OTOGL: variants seen among roughly 807,000 people sequenced by gnomAD.
OTOGL encodes the protein otogelin-like protein.
OTOGL carries 285 observed loss-of-function variants against 318.5 expected under a neutral mutation model. That is an observed-to-expected ratio of 0.89 (90% CI 0.81 to 0.99). OTOGL has a LOEUF of 0.99. OTOGL is among the 50% of genes least tolerant of loss of function. The probability of loss-of-function intolerance (pLI) is 0.00; values close to 1 mark genes in which losing one functional copy is unlikely to be tolerated. For missense variants in OTOGL, 2,899 were observed against 2,845.6 expected (o/e 1.02, Z -0.43); for synonymous variants, 987 against 936.5 (o/e 1.05, Z -0.99).
chr12:80,260,021 T>A (rs1160742347), intron 18 of OTOGL, among the ~76,000 whole-genome samples: 1 of 152,092 alleles, frequency 6.6e-6, no homozygotes, highest in African/African-American at 2.4e-5. Context: ...GTCTGGTTTC[T>A]TGTCTTGTTT....
intron 22 of OTOGL, among the ~76,000 whole-genome samples, chr12:80,268,507 C>T (rs1203901730): frequency 6.6e-6 from 1 of 152,068 alleles, no homozygotes; most frequent in Non-Finnish European, 1.5e-5. Flanking sequence ...TGATTATGCT[C>T]AATTTACCTT....
At chr12:80,229,516 A>G (rs1879178608) in intron 8 of OTOGL, 138 bp downstream of exon 8, 1 of 1,216,974 alleles carries the variant, frequency 8.2e-7, no homozygotes, top group Admixed American at 2.5e-5. Context: ...TAACATACAG[A>G]CATCAAAACT....
intron 1 of OTOGL, among the ~76,000 whole-genome samples, chr12:80,123,223 C>T: frequency 6.6e-6 from 1 of 152,064 alleles, no homozygotes; most frequent in East Asian, 1.9e-4. Flanking sequence ...GTGATATTCC[C>T]CTTCCTGTGT....
intron 1 of OTOGL, among the ~76,000 whole-genome samples, chr12:80,121,981 G>A (rs1211959533): frequency 2.0e-5 from 3 of 152,210 alleles, no homozygotes; most frequent in Admixed American, 6.5e-5. Flanking sequence ...TTGTAAACAC[G>A]AGAAAGAGAT....
At position 80,182,138 on chromosome 12, in the gene OTOGL, T is replaced by C. The variant is rs995749136; in HGVS notation, c.-19-27275T>C. ...CTGCACTCCAGTCTGGGCAACAGAG[T>C]GAAACCTTGTCTCAAAAGCAATTTT... On this transcript the variant is annotated intron_variant, in intron 1 of 58. Transcript: ENST00000547103. 2.0e-5 allele frequency among the ~76,000 whole-genome samples: 3 copies of C among 151,954 alleles called. No homozygotes were observed. In the South Asian group the frequency reaches 6.2e-4, roughly 32 times the overall value.
chr12:80,149,665 G>T (rs1191308623), intron 1 of OTOGL, among the ~76,000 whole-genome samples: 2 of 152,136 alleles, frequency 1.3e-5, no homozygotes, highest in African/African-American at 4.8e-5. Context: ...CCCTCCCCCA[G>T]CCTCGCTGCC....
At chr12:80,264,453 T>C (rs1488382968) in intron 19 of OTOGL, among the ~76,000 whole-genome samples, 3 of 152,206 alleles carry the variant, frequency 2.0e-5, no homozygotes, top group Non-Finnish European at 4.4e-5. Context: ...TCAAACATTA[T>C]TGAGCTCCTA....
At chr12:80,205,930 T>C (rs1876777560) in intron 1 of OTOGL, among the ~76,000 whole-genome samples, 1 of 152,242 alleles carries the variant, frequency 6.6e-6, no homozygotes, top group Non-Finnish European at 1.5e-5. Context: ...CCAGTTGTTT[T>C]AATGTGTTGG....
chr12:80,285,941 T>C (rs1204808828), intron 26 of OTOGL, among the ~76,000 whole-genome samples: 2 of 152,190 alleles, frequency 1.3e-5, no homozygotes, highest in East Asian at 3.8e-4. Flanking sequence ...GGCATCCTTG[T>C]CTTGTGCCGG....
chr12:80,369,484 A>G (rs1003444577), intron 55 of OTOGL, among the ~76,000 whole-genome samples: 1 of 152,124 alleles, frequency 6.6e-6, no homozygotes, highest in Non-Finnish European at 1.5e-5. Context: ...TGTTCATCTG[A>G]AAATAACCAT....
intron 1 of OTOGL, among the ~76,000 whole-genome samples, chr12:80,200,172 A>C (rs899594060): frequency 6.6e-6 from 1 of 152,196 alleles, no homozygotes; most frequent in Non-Finnish European, 1.5e-5. Flanking sequence ...ATCACCTATA[A>C]ACCTAGTAGA....
rs1888445454 is a variant in OTOGL at position 80,336,898 on chromosome 12, T to C, written c.4768-14T>C. ...TGTTTAACTCCGTAAAGTTTTAATT[T>C]TTTTCAAATTAAGGCTCCCTCTGGA... On this transcript the variant is annotated splice_polypyrimidine_tract_variant and intron_variant, in intron 41 of 58. Transcript: ENST00000547103. 6.4e-7 allele frequency: 1 copy of C among 1,561,802 alleles called. No individual in the cohort carries two copies. The highest frequency in any genetic ancestry group is 1.4e-5 in the African/African-American group (1 of 73,436).
intron 1 of OTOGL, among the ~76,000 whole-genome samples, chr12:80,191,530 T>TACTG (rs1231779651): frequency 6.6e-6 from 1 of 152,262 alleles, no homozygotes; most frequent in Admixed American, 6.5e-5. Context: ...ATAAACCATA[T>TACTG]ACTGTATTTC....
At chr12:80,334,160 T>C (rs765331235) in intron 38 of OTOGL, among the ~76,000 whole-genome samples, 2 of 152,152 alleles carry the variant, frequency 1.3e-5, no homozygotes, top group African/African-American at 2.4e-5. Flanking sequence ...TGATGATCTA[T>C]CACCTGGTTC....
intron 1 of OTOGL, among the ~76,000 whole-genome samples, chr12:80,141,071 T>TGAA (rs1304201100): frequency 3.0e-4 from 46 of 152,286 alleles, no homozygotes; most frequent in Non-Finnish European, 6.5e-4. Context: ...CTCTTGCAGG[T>TGAA]GTTTATTGAA....
chr12:80,158,355 T>C (rs1365597175), intron 1 of OTOGL, among the ~76,000 whole-genome samples: 2 of 152,044 alleles, frequency 1.3e-5, no homozygotes, highest in Non-Finnish European at 2.9e-5. Flanking sequence ...ATAAATGAAA[T>C]GTGTGTATAT....
At chr12:80,201,491 G>A (rs2137285323) in intron 1 of OTOGL, among the ~76,000 whole-genome samples, 1 of 152,256 alleles carries the variant, frequency 6.6e-6, no homozygotes, top group South Asian at 2.1e-4. Context: ...AGGGCACAAA[G>A]TGATTCATGA....
rs397850076 is a variant in OTOGL at position 80,229,992 on chromosome 12, GTT to G, written c.611+626_611+627del. On this transcript the variant is annotated intron_variant, in intron 8 of 58. Coordinates refer to ENST00000547103, the MANE Select transcript of OTOGL (RefSeq NM_001378609.3). ...GGGATGTTTTCGTATTTGGTGGAAG[GTT>G]TTTTTTTTTTTATGTTTTAACCTAG... is the stretch of plus-strand genomic sequence containing the variant. Among the ~76,000 whole-genome samples, 255 of 142,856 alleles carry G rather than the reference GTT, an allele frequency of 1.8e-3. 1 individual carries two copies. Among genetic ancestry groups the G allele is most frequent in the African/African-American group, 6.3e-3 (248 of 39,218 alleles). 93.7% of individuals were successfully genotyped at this position (142,856 alleles called of 152,430 possible).
chr12:80,320,213 T>A lies in OTOGL; in HGVS notation c.3803-209T>A, dbSNP rs187146892. On this transcript the variant is annotated intron_variant, in intron 33 of 58. Coordinates refer to ENST00000547103, the MANE Select transcript of OTOGL (RefSeq NM_001378609.3). The stretch of plus-strand genomic sequence containing the variant: ...AAAGACTGATTTTTTTTTTTAGTGA[T>A]ATCACTGTTATTCACTGAATTTAAA... Among the ~76,000 whole-genome samples, 53 of 152,232 alleles carry A rather than the reference T, an allele frequency of 3.5e-4. No individual in the cohort carries two copies. In the Middle Eastern group the frequency reaches 0.017, roughly 49 times the overall value.
Sources: gnomAD v4.1 joint callset for allele counts (sites outside exome capture counted in the v4.1 genomes callset) on GRCh38, gnomAD v4.1.1 for gene constraint, MANE v1.5 for transcripts, NCBI Gene and HGNC (gene_info 2026-07-23, HGNC 2026-07-21) for gene names.